The following MFHAS1 variants were observed in gnomAD, a reference collection of about 807,000 sequenced individuals.
MFHAS1 encodes multifunctional ROCO family signaling regulator 1, also known as malignant fibrous histiocytoma-amplified sequence 1.
MFHAS1 carries 50 observed loss-of-function variants against 70.4 expected under a neutral mutation model. The ratio of observed to expected loss-of-function variants is 0.71; its 90% CI spans 0.57 to 0.90. MFHAS1 has a LOEUF of 0.90. MFHAS1 is among the 40% of genes least tolerant of loss of function. The probability of loss-of-function intolerance (pLI) is 0.00; values close to 1 mark genes in which losing one functional copy is unlikely to be tolerated. For missense variants in MFHAS1, 1,795 were observed against 1,347.6 expected (o/e 1.33, Z -5.20); for synonymous variants, 952 against 620.0 (o/e 1.54, Z -7.96).
At chr8:8,805,947 A>C (rs1806273976) in intron 1 of MFHAS1, among the ~76,000 whole-genome samples, 1 of 151,788 alleles carries the variant, frequency 6.6e-6, no homozygotes, top group Non-Finnish European at 1.5e-5. Flanking sequence ...TGACCCGCCC[A>C]CCTTGGCCTC....
chr8:8,840,195 G>A (rs539470367), intron 1 of MFHAS1, among the ~76,000 whole-genome samples: 10 of 152,278 alleles, frequency 6.6e-5, no homozygotes, highest in South Asian at 2.1e-4. Flanking sequence ...AGTGACTCAC[G>A]CCTGTAATCT....
At chr8:8,850,307 C>T (rs1202940875) in intron 1 of MFHAS1, among the ~76,000 whole-genome samples, 3 of 152,214 alleles carry the variant, frequency 2.0e-5, no homozygotes, top group African/African-American at 7.2e-5. Flanking sequence ...TGTGACAATA[C>T]ACACTAATAA....
intron 1 of MFHAS1, among the ~76,000 whole-genome samples, chr8:8,871,441 T>C (rs905653092): frequency 6.6e-6 from 1 of 152,132 alleles, no homozygotes; most frequent in Non-Finnish European, 1.5e-5. Flanking sequence ...TCCCTGCTAC[T>C]CATGACAATG....
chr8:8,881,163 G>C (rs1809508671), intron 1 of MFHAS1, among the ~76,000 whole-genome samples: 1 of 152,192 alleles, frequency 6.6e-6, no homozygotes, highest in Non-Finnish European at 1.5e-5. Context: ...GTTGGTGATA[G>C]CTTTTCATTA....
chr8:8,820,752 C>G (rs922969682), intron 1 of MFHAS1, among the ~76,000 whole-genome samples: 1 of 152,110 alleles, frequency 6.6e-6, no homozygotes, highest in Admixed American at 6.5e-5. Context: ...AGGGGTGCCC[C>G]GGGAAAATCT....
At chr8:8,872,647 G>C (rs1203749447) in intron 1 of MFHAS1, among the ~76,000 whole-genome samples, 1 of 152,172 alleles carries the variant, frequency 6.6e-6, no homozygotes, top group Non-Finnish European at 1.5e-5. Context: ...AGAAGTGTCT[G>C]GGAGAGGTTA....
chr8:8,832,060 G>GCACACACACACA (rs1220603806), intron 1 of MFHAS1, among the ~76,000 whole-genome samples: 2 of 148,692 alleles, frequency 1.3e-5, no homozygotes, highest in South Asian at 2.1e-4. Context: ...GCGCGCGCGC[G>GCACACACACACA]CGCACACACA....
chr8:8,813,005 G>A (rs1585029377), intron 1 of MFHAS1, among the ~76,000 whole-genome samples: 1 of 152,278 alleles, frequency 6.6e-6, no homozygotes, highest in South Asian at 2.1e-4. Context: ...GACCTCAAGT[G>A]ATCTGTCCAC....
chr8:8,853,103 C>A (rs894089420), intron 1 of MFHAS1, among the ~76,000 whole-genome samples: 1 of 152,116 alleles, frequency 6.6e-6, no homozygotes, highest in African/African-American at 2.4e-5. Flanking sequence ...GACTATGCCC[C>A]TGCAGGCTCC....
intron 1 of MFHAS1, among the ~76,000 whole-genome samples, chr8:8,864,247 G>A (rs903666136): frequency 1.3e-5 from 2 of 152,074 alleles, no homozygotes; most frequent in Non-Finnish European, 2.9e-5. Context: ...ACACAGAAGG[G>A]TAAGTTAAAA....
At chr8:8,843,492 G>A (rs1807917536) in intron 1 of MFHAS1, among the ~76,000 whole-genome samples, 1 of 152,194 alleles carries the variant, frequency 6.6e-6, no homozygotes, top group African/African-American at 2.4e-5. Flanking sequence ...GAAGCAGGAG[G>A]ATGGATTGAG....
intron 1 of MFHAS1, among the ~76,000 whole-genome samples, chr8:8,876,778 T>G (rs1045376832): frequency 5.3e-5 from 8 of 151,934 alleles, no homozygotes; most frequent in African/African-American, 1.7e-4. Flanking sequence ...AAGAAAAGAC[T>G]TTTTATCCAC....
At chr8:8,810,185 G>A (rs907863945) in intron 1 of MFHAS1, among the ~76,000 whole-genome samples, 1 of 152,178 alleles carries the variant, frequency 6.6e-6, no homozygotes, top group Non-Finnish European at 1.5e-5. Flanking sequence ...TGGCCGACAT[G>A]GTAAAACCTC....
At chr8:8,801,321 G>C (rs1806077487) in intron 1 of MFHAS1, among the ~76,000 whole-genome samples, 1 of 152,244 alleles carries the variant, frequency 6.6e-6, no homozygotes, top group Non-Finnish European at 1.5e-5. Context: ...CAGGTAACTG[G>C]TTTTGTTTGG....
chr8:8,829,667 TGA>T (rs375516187), intron 1 of MFHAS1, among the ~76,000 whole-genome samples: 4 of 152,014 alleles, frequency 2.6e-5, no homozygotes, highest in East Asian at 3.9e-4. Context: ...GGCGAAAGAG[TGA>T]GACTCTGTCT....
intron 1 of MFHAS1, among the ~76,000 whole-genome samples, chr8:8,807,282 G>C (rs546549533): frequency 6.6e-6 from 1 of 151,934 alleles, no homozygotes; most frequent in South Asian, 2.1e-4. Context: ...AAAGCCTGAC[G>C]AATGTGACCA....
Position 8,892,388 on chromosome 8 carries a change from C to G in MFHAS1, c.671G>C (p.Ser224Thr), listed in dbSNP as rs1810098128. 6.2e-7 allele frequency: 1 copy of G among 1,612,674 alleles called. No homozygotes were observed. The highest frequency in any genetic ancestry group is 1.7e-5 in the Admixed American group (1 of 59,984). ...NRLRGLPEDI[S>T]ALRALKILWL... is the part of the protein sequence containing the mutation. ...GAGGATCTTGAGGGCACGCAGGGCA[C>G]TGATATCCTCAGGCAGGCCCCGCAG... is the stretch of plus-strand genomic sequence containing the variant. Residue 224 changes from serine (S) to threonine (T), a missense_variant, in exon 1 of 3, where the codon AGT becomes ACT. Ser to Thr is a moderately conservative substitution (Grantham distance 58). Coordinates refer to ENST00000276282, the MANE Select transcript of MFHAS1 (RefSeq NM_004225.3). This position sits in a 1 kb window ranked among gnomAD's most constrained non-coding sequence, Gnocchi z 4.7.
chr8:8,804,525 C>A (rs1001879415), intron 1 of MFHAS1, among the ~76,000 whole-genome samples: 1 of 152,184 alleles, frequency 6.6e-6, no homozygotes, highest in Non-Finnish European at 1.5e-5. Flanking sequence ...TAAACCAGGC[C>A]AGTTGGGGCC....
rs1449611446 is a variant in MFHAS1 at position 8,835,927 on chromosome 8, G to C, written c.2999-38436C>G. On this transcript the variant is annotated intron_variant, in intron 1 of 2. Transcript: ENST00000276282. ...CATATTATCTACGACTGCTTTCCAAGGTAGTGCAATTCTGCTAACCGATGC... is the reference window on the plus strand; with the variant it reads ...CATATTATCTACGACTGCTTTCCAACGTAGTGCAATTCTGCTAACCGATGC... Among the ~76,000 whole-genome samples the C allele has an allele frequency of 4.6e-5, 7 of 152,310 alleles. No individual in the cohort carries two copies. In the South Asian group the frequency reaches 1.2e-3, roughly 27 times the overall value.
Sources: allele counts gnomAD v4.1 joint callset (sites outside exome capture counted in the v4.1 genomes callset), GRCh38; gene constraint gnomAD v4.1.1; non-coding constraint Gnocchi (gnomAD v3.1); transcripts MANE v1.5; gene names NCBI Gene and HGNC (gene_info 2026-07-23, HGNC 2026-07-21).